Variants in HOMER1 observed in about 807,000 individuals in gnomAD.
HOMER1 encodes the protein homer scaffold protein 1.
HOMER1 carries 3 observed loss-of-function variants against 48.9 expected under a neutral mutation model. That is an observed-to-expected ratio of 0.06 (90% CI 0.03 to 0.16). The LOEUF (loss-of-function observed/expected upper bound fraction) is 0.16. HOMER1 is among the 10% of genes least tolerant of loss of function. HOMER1 has a pLI of 1.00. For synonymous variants in HOMER1, 134 were observed against 146.4 expected, an observed-to-expected ratio of 0.92 and a Z score of 0.61; for missense variants, 247 against 411.4, an observed-to-expected ratio of 0.60 and a Z score of 3.46.
intron 1 of HOMER1, among the ~76,000 whole-genome samples, chr5:79,511,791 T>C (rs1176399433): frequency 1.3e-5 from 2 of 152,230 alleles, no homozygotes; most frequent in Non-Finnish European, 2.9e-5. Flanking sequence ...TTCAAGCGTG[T>C]GTACACACCT....
chr5:79,428,443 G>A (rs993954236), intron 5 of HOMER1, among the ~76,000 whole-genome samples: 4 of 151,936 alleles, frequency 2.6e-5, no homozygotes, highest in Non-Finnish European at 5.9e-5. Flanking sequence ...GTTCTAGCTA[G>A]AGCAATGAGT....
At chr5:79,465,640 T>G (rs1751443521) in intron 1 of HOMER1, among the ~76,000 whole-genome samples, 1 of 131,918 alleles carries the variant, frequency 7.6e-6, no homozygotes, top group Non-Finnish European at 1.5e-5. Flanking sequence ...TCGCCCAGGC[T>G]GGAGTGCAGT....
rs182331960 is a variant in HOMER1 at position 79,405,075 on chromosome 5, T to G, written c.528-3020A>C. On this transcript the variant is annotated intron_variant, in intron 5 of 8. Transcript: ENST00000334082. ...CCCTCCAAAACTCATATATTGAAGT[T>G]CTAACTCCCAGGATCTCACAGTATG... Among the ~76,000 whole-genome samples, 108 of 152,160 alleles carry G rather than the reference T, an allele frequency of 7.1e-4. 1 individual carries two copies. Among genetic ancestry groups the G allele is most frequent in the Non-Finnish European group, 1.2e-4 (8 of 68,002 alleles).
chr5:79,392,507 A>G (rs1749277216), intron 8 of HOMER1, among the ~76,000 whole-genome samples: 1 of 152,266 alleles, frequency 6.6e-6, no homozygotes, highest in South Asian at 2.1e-4. Context: ...ATAGTTTTCT[A>G]CAGCTGAATA....
intron 1 of HOMER1, among the ~76,000 whole-genome samples, chr5:79,487,283 A>G (rs575207900): frequency 1.3e-5 from 2 of 152,236 alleles, no homozygotes; most frequent in Non-Finnish European, 2.9e-5. Context: ...ATCTCAAAAA[A>G]GAAAGAAAGA....
chr5:79,495,042 G>A (rs1340602517), intron 1 of HOMER1, among the ~76,000 whole-genome samples: 1 of 152,048 alleles, frequency 6.6e-6, no homozygotes, highest in Non-Finnish European at 1.5e-5. Flanking sequence ...ATTTTTATAT[G>A]TTTTATTATA....
intron 1 of HOMER1, among the ~76,000 whole-genome samples, chr5:79,473,684 T>C (rs905182643): frequency 1.3e-5 from 2 of 152,174 alleles, no homozygotes; most frequent in African/African-American, 4.8e-5. Context: ...TTGAGACATT[T>C]GAGAAGAACA....
intron 3 of HOMER1, among the ~76,000 whole-genome samples, chr5:79,448,197 A>G (rs370761569): frequency 4.6e-5 from 7 of 152,292 alleles, no homozygotes; most frequent in African/African-American, 1.7e-4. Flanking sequence ...TACTTCTCCA[A>G]TTGAACAGAG....
chr5:79,514,131 G>T lies in HOMER1; in HGVS notation c.-1357C>A, dbSNP rs1753030913. ...CCGGCGTGAAGCTAGCGCGGCGGCA[G>T]AGTGGGCTGCGGGGGGCGGGAAGGG... On this transcript the variant is annotated 5_prime_UTR_variant, in exon 1 of 9. The change creates a new upstream start codon in the 5' untranslated region. Coordinates refer to ENST00000334082, the MANE Select transcript of HOMER1 (RefSeq NM_004272.5). 6.6e-6 allele frequency: 1 copy of T among 152,258 alleles called. No individual in the cohort carries two copies. The allele number at this position is 152,258 out of a possible 1,614,324, so 9.4% of individuals were successfully genotyped here.
Position 79,387,075 on chromosome 5 carries a change from A to ATCTCTC in HOMER1, c.876+9742_876+9747dup, listed in dbSNP as rs111457551. Among the ~76,000 whole-genome samples the ATCTCTC allele has an allele frequency of 9.9e-4, 113 of 113,716 alleles. 3 individuals are homozygous for ATCTCTC. Among genetic ancestry groups the ATCTCTC allele is most frequent in the Admixed American group, 2.8e-3 (29 of 10,200 alleles). The allele number at this position is 113,716 out of a possible 152,430, so 74.6% of individuals were successfully genotyped here. A position where few individuals can be genotyped will look rare whatever the true frequency, so the allele number is the denominator to read the frequency against. On this transcript the variant is annotated intron_variant, in intron 8 of 8. Coordinates refer to ENST00000334082, the MANE Select transcript of HOMER1 (RefSeq NM_004272.5). ...TCCTTCCTCTTTCCTTTCTTTCTCT[A>ATCTCTC]TCTCTCTCTCTCTCTCTCTCTCTCT...
intron 1 of HOMER1, among the ~76,000 whole-genome samples, chr5:79,500,965 CACA>C (rs1752567675): frequency 1.7e-5 from 1 of 59,186 alleles, no homozygotes; most frequent in African/African-American, 7.2e-5. Context: ...GACAGACAGA[CACA>C]CACACACACA....
chr5:79,471,483 T>C (rs1751617616), intron 1 of HOMER1, among the ~76,000 whole-genome samples: 2 of 145,202 alleles, frequency 1.4e-5, no homozygotes, highest in South Asian at 4.3e-4. Flanking sequence ...GAGGCAGAGG[T>C]TGCAGTGAGC....
intron 5 of HOMER1, among the ~76,000 whole-genome samples, chr5:79,418,281 T>C (rs1337050158): frequency 6.6e-6 from 1 of 152,206 alleles, no homozygotes; most frequent in Non-Finnish European, 1.5e-5. Flanking sequence ...AATAGCTTAG[T>C]CCACTACTGA....
At chr5:79,424,701 G>C (rs921510846) in intron 5 of HOMER1, among the ~76,000 whole-genome samples, 1 of 151,946 alleles carries the variant, frequency 6.6e-6, no homozygotes, top group Non-Finnish European at 1.5e-5. Context: ...GTAGAAAACT[G>C]GCTATATTTT....
At chr5:79,444,606 TAGC>T (rs1750826382) in intron 4 of HOMER1, among the ~76,000 whole-genome samples, 2 of 152,198 alleles carry the variant, frequency 1.3e-5, no homozygotes, top group South Asian at 4.1e-4. Context: ...AACAAGGTGT[TAGC>T]AGCAACTTAT....
intron 5 of HOMER1, among the ~76,000 whole-genome samples, chr5:79,429,957 A>G (rs1750374024): frequency 1.3e-5 from 2 of 151,792 alleles, no homozygotes; most frequent in African/African-American, 4.8e-5. Flanking sequence ...CAGGCCGCAG[A>G]GCTTGCAGTG....
At chr5:79,397,025 T>C (rs1163167399) in intron 7 of HOMER1, 122 bp from the exon 8 acceptor site, 3 of 595,398 alleles carry the variant, frequency 5.0e-6, no homozygotes, top group Non-Finnish European at 8.7e-6. Context: ...CATTCCTTCA[T>C]ATTGACTTTT....
chr5:79,402,673 C>T (rs1749561849), intron 5 of HOMER1, among the ~76,000 whole-genome samples: 1 of 152,120 alleles, frequency 6.6e-6, no homozygotes, highest in Admixed American at 6.5e-5. Context: ...AAGGAATAAA[C>T]ATTATAGCCT....
intron 1 of HOMER1, among the ~76,000 whole-genome samples, chr5:79,506,506 T>A (rs899198722): frequency 2.6e-5 from 4 of 151,874 alleles, no homozygotes; most frequent in Admixed American, 2.6e-4. Flanking sequence ...TAACAGAGAG[T>A]CATTATGGAT....
Sources: allele counts gnomAD v4.1 joint callset (sites outside exome capture counted in the v4.1 genomes callset), GRCh38; gene constraint gnomAD v4.1.1; transcripts MANE v1.5; gene names NCBI Gene and HGNC (gene_info 2026-07-23, HGNC 2026-07-21).